The following ZNF341 variants were observed in gnomAD, a reference collection of about 807,000 sequenced individuals.
ZNF341 encodes zinc finger protein 341.
In ZNF341, 52 loss-of-function variants were observed where a neutral mutation model predicts 87.7. The observed-to-expected ratio is 0.59, with a 90% confidence interval of 0.47 to 0.75. The LOEUF is 0.75. Among genes scored for constraint, ZNF341 ranks in the 30% least tolerant of loss-of-function variants. The pLI is 0.00. For missense variants in ZNF341, 977 were observed against 1,145.9 expected, an observed-to-expected ratio of 0.85 and a Z score of 2.13; for synonymous variants, 459 against 472.7, an observed-to-expected ratio of 0.97 and a Z score of 0.38.
At chr20:33,770,613 A>G (rs1323821834) in intron 10 of ZNF341, among the ~76,000 whole-genome samples, 1 of 152,190 alleles carries the variant, frequency 6.6e-6, no homozygotes, top group East Asian at 1.9e-4. Flanking sequence ...CTAAACAATT[A>G]TGACAGTATT....
chr20:33,766,174 C>A (rs551564447), intron 8 of ZNF341, among the ~76,000 whole-genome samples: 1 of 151,908 alleles, frequency 6.6e-6, no homozygotes, highest in South Asian at 2.1e-4. Flanking sequence ...TGTGAGCCAC[C>A]GCACCTGGTG....
chr20:33,747,844 C>T (rs951669061), intron 3 of ZNF341, among the ~76,000 whole-genome samples: 5 of 150,176 alleles, frequency 3.3e-5, no homozygotes, highest in Non-Finnish European at 7.4e-5. Context: ...TACAGACACC[C>T]GCCACCATGC....
intron 3 of ZNF341, among the ~76,000 whole-genome samples, chr20:33,748,432 TCTC>T (rs1302368312): frequency 1.3e-5 from 2 of 152,196 alleles, no homozygotes; most frequent in East Asian, 1.9e-4. Flanking sequence ...TGTGAGTTAT[TCTC>T]CTCATTTGTT....
In ZNF341 at chr20:33,745,185, G is replaced by A. The variant is rs1453153482; in HGVS notation, c.225G>A (p.Gln75=). 9 of 1,614,044 alleles carry A rather than the reference G, an allele frequency of 5.6e-6. No individual in the cohort carries two copies. Among genetic ancestry groups the A allele is most frequent in the South Asian group, 1.1e-5 (1 of 91,092 alleles). Residue 75 remains glutamine, a synonymous_variant, in exon 3 of 15, where the codon CAG becomes CAA. Transcript: ENST00000375200. ...LPAFMTHKRE[Q]CQGNAPALAT... Reference sequence around the variant, plus strand: ...CGTTTATGACCCACAAGCGGGAACAGTGCCAGGGGAATGCCCCCGCCCTGG... The same window carrying A: ...CGTTTATGACCCACAAGCGGGAACAATGCCAGGGGAATGCCCCCGCCCTGG...
intron 4 of ZNF341, 114 bp downstream of exon 4, chr20:33,749,186 G>C: frequency 3.6e-6 from 5 of 1,378,240 alleles, no homozygotes; most frequent in African/African-American, 2.9e-5. Context: ...CCCTGATGCT[G>C]AGGGAGGCTA....
chr20:33,741,616 G>C (rs1168440076), intron 2 of ZNF341, among the ~76,000 whole-genome samples: 1 of 152,082 alleles, frequency 6.6e-6, no homozygotes, highest in African/African-American at 2.4e-5. Flanking sequence ...TGTTGGCCAG[G>C]CTGGTCTCAA....
intron 3 of ZNF341, among the ~76,000 whole-genome samples, chr20:33,746,017 G>A (rs1424183085): frequency 9.8e-5 from 14 of 143,086 alleles, no homozygotes; most frequent in Middle Eastern, 7.7e-3. Context: ...CGCAAGCTCC[G>A]CCTCCTGGGT....
chr20:33,783,083 G>A (rs1946688789), intron 11 of ZNF341, among the ~76,000 whole-genome samples: 1 of 152,128 alleles, frequency 6.6e-6, no homozygotes, highest in Admixed American at 6.6e-5. Context: ...GAACCTGGGA[G>A]GCAGAGGTTG....
At chr20:33,744,426 A>C (rs923776586) in intron 2 of ZNF341, among the ~76,000 whole-genome samples, 1 of 151,372 alleles carries the variant, frequency 6.6e-6, no homozygotes, top group Admixed American at 6.6e-5. Context: ...ATGCAAAGGC[A>C]TGGGAGGAGT....
chr20:33,773,762 A>T (rs1390088101), intron 10 of ZNF341, among the ~76,000 whole-genome samples: 1 of 152,166 alleles, frequency 6.6e-6, no homozygotes, highest in Non-Finnish European at 1.5e-5. Context: ...AACCTCAAAT[A>T]ACAGTGACTT....
intron 4 of ZNF341, chr20:33,752,642 A>C: frequency 5.5e-6 from 1 of 182,082 alleles, no homozygotes; most frequent in African/African-American, 2.8e-5. Context: ...ATTTTTGCCT[A>C]TTTTCTTTTC....
intron 2 of ZNF341, among the ~76,000 whole-genome samples, 159 bp downstream of exon 2, chr20:33,741,171 G>C (rs1264677338): frequency 6.6e-6 from 1 of 152,090 alleles, no homozygotes; most frequent in Non-Finnish European, 1.5e-5. Context: ...CGGGATCTTT[G>C]GGCTCACGGC....
chr20:33,741,626 A>C (rs2018805681), intron 2 of ZNF341, among the ~76,000 whole-genome samples: 1 of 152,078 alleles, frequency 6.6e-6, no homozygotes, highest in African/African-American at 2.4e-5. Flanking sequence ...GCTGGTCTCA[A>C]ACGCCTGACC....
At chr20:33,783,644 G>T in intron 11 of ZNF341, 88 bp from the exon 12 acceptor site, 1 of 1,587,686 alleles carries the variant, frequency 6.3e-7, no homozygotes, top group African/African-American at 1.3e-5. Context: ...CTCTATAGGG[G>T]CTGGAAACGA....
chr20:33,745,858 A>G (rs547685611), intron 3 of ZNF341, among the ~76,000 whole-genome samples: 1 of 149,066 alleles, frequency 6.7e-6, no homozygotes, highest in Non-Finnish European at 1.5e-5. Flanking sequence ...GCTGGGACTG[A>G]GTAAGTAGGA....
At chr20:33,777,677 T>G (rs558308793) in intron 10 of ZNF341, among the ~76,000 whole-genome samples, 1 of 151,468 alleles carries the variant, frequency 6.6e-6, no homozygotes, top group East Asian at 1.9e-4. Context: ...GAAGTTAATA[T>G]CAGTACAATT....
At chr20:33,784,882 CTGGG>C in intron 12 of ZNF341, among the ~76,000 whole-genome samples, 1 of 152,272 alleles carries the variant, frequency 6.6e-6, no homozygotes, top group African/African-American at 2.4e-5. Flanking sequence ...TCCCAAAGTG[CTGGG>C]ATGACAGGCG....
intron 10 of ZNF341, among the ~76,000 whole-genome samples, chr20:33,770,850 G>A (rs1049617684): frequency 6.6e-6 from 1 of 152,200 alleles, no homozygotes; most frequent in African/African-American, 2.4e-5. Context: ...GCTGGGCGTG[G>A]TGGCTCACAC....
chr20:33,753,353 C>T lies in ZNF341; in HGVS notation c.671C>T (p.Ala224Val). The T allele has an allele frequency of 6.2e-7, 1 of 1,608,770 alleles. No individual in the cohort carries two copies. The highest frequency in any genetic ancestry group is 8.5e-7 in the Non-Finnish European group (1 of 1,177,620). ...GNGVVEVYSA[A>V]APLAGSGTVE... is the part of the protein sequence containing the mutation. ...GGTGTGGTGGAGGTGTACAGTGCTG[C>T]TGCGCCCCTGGCTGGGAGTGGAACG... is the stretch of plus-strand genomic sequence containing the variant. Residue 224 changes from alanine to valine, a missense_variant, in exon 5 of 15, where the codon GCT becomes GTT. This residue lies in a region of ZNF341 where 515 missense variants were observed against 598.2 expected (regional missense o/e 0.86). Transcript: ENST00000375200.
Sources: gnomAD v4.1 joint callset for allele counts (sites outside exome capture counted in the v4.1 genomes callset) on GRCh38, gnomAD v4.1.1 for gene constraint, gnomAD v4.1.1 regional missense constraint, MANE v1.5 for transcripts, NCBI Gene and HGNC (gene_info 2026-07-23, HGNC 2026-07-21) for gene names.